Variants in NLGN1 observed in about 807,000 individuals in gnomAD.
The protein encoded by NLGN1 is neuroligin 1, also known as neuroligin-1.
Under a neutral mutation model 65.5 loss-of-function variants are expected in NLGN1, and 12 were observed. That is an observed-to-expected ratio of 0.18 (90% CI 0.12 to 0.30). The LOEUF (loss-of-function observed/expected upper bound fraction) is 0.30, where lower values mean the gene tolerates loss of function less well. Ranked by LOEUF, NLGN1 falls within the 10% of genes least tolerant of loss-of-function variation. The pLI, the probability that NLGN1 is intolerant of heterozygous loss-of-function variation, is 1.00. For missense variants in NLGN1, 750 were observed against 1,007.1 expected (o/e 0.74, Z 3.46); for synonymous variants, 350 against 359.5 (o/e 0.97, Z 0.30).
chr3:173,977,295 A>G (rs1717709690), intron 4 of NLGN1, among the ~76,000 whole-genome samples: 1 of 151,916 alleles, frequency 6.6e-6, no homozygotes, highest in South Asian at 2.1e-4. Flanking sequence ...AGTTAAGCAA[A>G]TAGGAGGGGG....
chr3:173,429,552 T>G (rs1262421924), intron 1 of NLGN1, among the ~76,000 whole-genome samples: 1 of 152,226 alleles, frequency 6.6e-6, no homozygotes, highest in Admixed American at 6.5e-5. Context: ...TTGTTTCTTA[T>G]GGATGTATGT....
chr3:174,290,631 AT>A (rs1752662099), downstream of NLGN1, among the ~76,000 whole-genome samples: 2 of 151,168 alleles, frequency 1.3e-5, no homozygotes, highest in Admixed American at 6.6e-5. Flanking sequence ...ATAAGCACAT[AT>A]TGAAAGTAAG....
chr3:174,256,724 A>G (rs1425444148), intron 4 of NLGN1, among the ~76,000 whole-genome samples: 1 of 152,080 alleles, frequency 6.6e-6, no homozygotes, highest in East Asian at 1.9e-4. Flanking sequence ...TGTAATTACT[A>G]GAATTTTTAA....
intron 4 of NLGN1, among the ~76,000 whole-genome samples, chr3:174,217,310 T>C (rs1737802485): frequency 6.6e-6 from 1 of 152,158 alleles, no homozygotes; most frequent in Non-Finnish European, 1.5e-5. Flanking sequence ...ACTGATTGCA[T>C]CTGCAAAGAC....
chr3:173,483,907 A>G (rs902887105), intron 2 of NLGN1, among the ~76,000 whole-genome samples: 4 of 152,176 alleles, frequency 2.6e-5, no homozygotes, highest in African/African-American at 9.7e-5. Context: ...TAATTTCATT[A>G]AACTTTGCCT....
chr3:173,934,627 CT>C (rs1186017176), intron 4 of NLGN1, among the ~76,000 whole-genome samples: 2 of 151,920 alleles, frequency 1.3e-5, no homozygotes, highest in African/African-American at 4.8e-5. Context: ...TTATCTTCCC[CT>C]GATCTTTTAC....
At chr3:173,442,286 G>A (rs1719344101) in intron 2 of NLGN1, among the ~76,000 whole-genome samples, 4 of 152,092 alleles carry the variant, frequency 2.6e-5, no homozygotes, top group Admixed American at 2.6e-4. Context: ...TGTATAAAGA[G>A]TATTGAGTTA....
chr3:173,765,933 C>T (rs1778720344), intron 3 of NLGN1, among the ~76,000 whole-genome samples: 1 of 152,080 alleles, frequency 6.6e-6, no homozygotes. Flanking sequence ...TCCCTTATAT[C>T]CTTTGAATGT....
chr3:173,459,318 T>C (rs1157493267), intron 2 of NLGN1, among the ~76,000 whole-genome samples: 1 of 152,176 alleles, frequency 6.6e-6, no homozygotes, highest in African/African-American at 2.4e-5. Context: ...TGTTTCCACT[T>C]TGTTAGGGAT....
intron 2 of NLGN1, among the ~76,000 whole-genome samples, chr3:173,466,857 G>A (rs1413441149): frequency 6.6e-6 from 1 of 152,080 alleles, no homozygotes; most frequent in African/African-American, 2.4e-5. Context: ...TCATTTAAGT[G>A]AATTTTCCTA....
Position 174,128,590 on chromosome 3 carries a change from G to A in NLGN1, c.647-146725G>A, listed in dbSNP as rs916650910. Among the ~76,000 whole-genome samples, 4 of 152,068 alleles carry A rather than the reference G, an allele frequency of 2.6e-5. No individual in the cohort carries two copies. In the East Asian group the frequency reaches 7.7e-4, roughly 29 times the overall value. On this transcript the variant is annotated intron_variant, in intron 4 of 6. Coordinates refer to ENST00000457714, the Ensembl canonical transcript of NLGN1. Reference sequence around the variant, plus strand: ...TATTTACTGACCCATTTTAAAAGCAGCCCCAAAGTCCATGTAGTTCTCATC... The same window carrying A: ...TATTTACTGACCCATTTTAAAAGCAACCCCAAAGTCCATGTAGTTCTCATC...
chr3:173,397,493 G>A (rs1324521701), upstream of NLGN1, among the ~76,000 whole-genome samples: 1 of 152,052 alleles, frequency 6.6e-6, no homozygotes, highest in Non-Finnish European at 1.5e-5. Flanking sequence ...TTTGTAAATT[G>A]CCCGTTTTGC....
intron 4 of NLGN1, among the ~76,000 whole-genome samples, chr3:174,090,005 G>A (rs1157239573): frequency 1.3e-5 from 2 of 151,588 alleles, no homozygotes; most frequent in African/African-American, 4.8e-5. Flanking sequence ...CTCTTTATCA[G>A]CCAAAAGGCA....
intron 4 of NLGN1, among the ~76,000 whole-genome samples, chr3:173,876,601 A>G (rs1200007537): frequency 6.6e-6 from 1 of 152,130 alleles, no homozygotes; most frequent in Non-Finnish European, 1.5e-5. Context: ...GGGCAGGAAA[A>G]CATAAGATGA....
At chr3:173,480,675 G>C (rs1364106774) in intron 2 of NLGN1, among the ~76,000 whole-genome samples, 1 of 152,010 alleles carries the variant, frequency 6.6e-6, no homozygotes, top group Admixed American at 6.6e-5. Context: ...GAAATCTCTA[G>C]GTAATTCAAC....
chr3:173,677,961 A>G (rs1465245119), intron 3 of NLGN1, among the ~76,000 whole-genome samples: 1 of 151,994 alleles, frequency 6.6e-6, no homozygotes, highest in Non-Finnish European at 1.5e-5. Flanking sequence ...ATATAATTTA[A>G]TTTTCAGTTA....
chr3:173,465,386 A>G (rs1010060246), intron 2 of NLGN1, among the ~76,000 whole-genome samples: 1 of 152,238 alleles, frequency 6.6e-6, no homozygotes, highest in Non-Finnish European at 1.5e-5. Context: ...TTGTGCTGGA[A>G]GAGATTCTGG....
At chr3:173,796,069 C>T (rs1047801299) in intron 3 of NLGN1, among the ~76,000 whole-genome samples, 4 of 152,060 alleles carry the variant, frequency 2.6e-5, no homozygotes, top group Admixed American at 1.3e-4. Flanking sequence ...TTTTCTAAGT[C>T]GGGAGCTAAT....
chr3:173,600,715 A>G (rs1314893266), intron 2 of NLGN1, among the ~76,000 whole-genome samples: 1 of 151,570 alleles, frequency 6.6e-6, no homozygotes, highest in Non-Finnish European at 1.5e-5. Context: ...ATCTTGCATT[A>G]GAGTAATTTT....
Sources: gnomAD v4.1 joint callset for allele counts (sites outside exome capture counted in the v4.1 genomes callset) on GRCh38, gnomAD v4.1.1 for gene constraint, MANE v1.5 for transcripts, NCBI Gene and HGNC (gene_info 2026-07-23, HGNC 2026-07-21) for gene names.